SFMBT1: variants seen among roughly 807,000 people sequenced by gnomAD.
SFMBT1 encodes the protein scm-like with four MBT domains protein 1.
Under a neutral mutation model 108.7 loss-of-function variants are expected in SFMBT1, and 32 were observed. The observed-to-expected ratio is 0.29, with a 90% CI of 0.22 to 0.40. The LOEUF (loss-of-function observed/expected upper bound fraction) is 0.40. Ranked by LOEUF, SFMBT1 falls within the 10% of genes least tolerant of loss-of-function variation. SFMBT1 has a pLI of 1.00. For missense variants in SFMBT1, 816 were observed against 1,059.6 expected (o/e 0.77, Z 3.19); for synonymous variants, 348 against 369.5 (o/e 0.94, Z 0.67).
chr3:52,992,698 A>C (rs2115779), intron 1 of SFMBT1, among the ~76,000 whole-genome samples: 44,811 of 152,142 alleles, frequency 0.29, 6,914 homozygotes, highest in Middle Eastern at 0.4. Context: ...GGAAAAACTA[A>C]GGGAAATCAT....
chr3:52,918,219 TTTTC>T, intron 13 of SFMBT1, among the ~76,000 whole-genome samples: 1 of 152,024 alleles, frequency 6.6e-6, no homozygotes, highest in Admixed American at 6.5e-5. Context: ...GGCACTCTTA[TTTTC>T]TTTCTTTTAT....
rs796662569 is a variant in SFMBT1 at position 53,001,974 on chromosome 3, T to C, written c.-130-32716A>G. ...ACACACACACACACACACACACACA[T>C]AAATGAAAGATTACTGCCTGTTTTG... On this transcript the variant is annotated intron_variant, in intron 1 of 20. Coordinates refer to ENST00000394752, the MANE Select transcript of SFMBT1 (RefSeq NM_016329.4). Among the ~76,000 whole-genome samples, 1,581 of 106,518 alleles carry C rather than the reference T, an allele frequency of 0.015. 151 individuals carry two copies. In the South Asian group the frequency reaches 0.2, roughly 14 times the overall value. 69.9% of individuals were successfully genotyped at this position (106,518 alleles called of 152,430 possible). A position where few individuals can be genotyped will look rare whatever the true frequency, so the allele number is the denominator to read the frequency against.
rs550990697 is a variant in SFMBT1, at chr3:52,999,711, C to G, written c.-130-30453G>C. 6.7e-5 allele frequency among the ~76,000 whole-genome samples: 10 copies of G among 149,854 alleles called. 1 individual carries two copies. In the South Asian group the frequency reaches 2.1e-3, roughly 32 times the overall value. On this transcript the variant is annotated intron_variant, in intron 1 of 20. Transcript: ENST00000394752. ...CCATGACTCCCTGAGCAGGGTGAGC[C>G]CCCACTCATCCTGTGCCATGTTATG...
intron 17 of SFMBT1, among the ~76,000 whole-genome samples, chr3:52,910,570 C>T (rs1702190638): frequency 1.3e-5 from 2 of 152,078 alleles, no homozygotes; most frequent in African/African-American, 4.8e-5. Flanking sequence ...CTCACTGCAA[C>T]CTTCATCTCC....
intron 4 of SFMBT1, among the ~76,000 whole-genome samples, chr3:52,942,461 T>A (rs1703215255): frequency 6.6e-6 from 1 of 152,226 alleles, no homozygotes; most frequent in Non-Finnish European, 1.5e-5. Context: ...AACTTTTTGG[T>A]AAATCTGAAA....
At chr3:52,956,289 G>A (rs1472058223) in intron 2 of SFMBT1, among the ~76,000 whole-genome samples, 2 of 152,114 alleles carry the variant, frequency 1.3e-5, no homozygotes, top group Admixed American at 6.5e-5. Context: ...GTGAAACCCC[G>A]TCTCTACTAA....
intron 4 of SFMBT1, among the ~76,000 whole-genome samples, chr3:52,942,086 C>T (rs554271264): frequency 2.6e-5 from 4 of 151,334 alleles, no homozygotes; most frequent in Non-Finnish European, 4.4e-5. Context: ...GACCCTGCCT[C>T]AAGAAAATAG....
At chr3:52,968,947 C>A (rs1446514198) in intron 2 of SFMBT1, among the ~76,000 whole-genome samples, 154 bp downstream of exon 2, 1 of 152,060 alleles carries the variant, frequency 6.6e-6, no homozygotes, top group African/African-American at 2.4e-5. Flanking sequence ...GCCCCTAGTG[C>A]CAGGTTCTCT....
chr3:53,029,684 C>T (rs1301603211), intron 1 of SFMBT1, among the ~76,000 whole-genome samples: 2 of 152,196 alleles, frequency 1.3e-5, no homozygotes, highest in Non-Finnish European at 2.9e-5. Context: ...AGGCCTTAGG[C>T]TTCAAAAGCA....
At chr3:52,960,655 G>A (rs1703930963) in intron 2 of SFMBT1, among the ~76,000 whole-genome samples, 2 of 151,896 alleles carry the variant, frequency 1.3e-5, no homozygotes, top group East Asian at 3.9e-4. Context: ...ATCTATGCAT[G>A]TCTGTGTATA....
At chr3:53,014,044 T>C (rs1699045846) in intron 1 of SFMBT1, among the ~76,000 whole-genome samples, 1 of 152,140 alleles carries the variant, frequency 6.6e-6, no homozygotes, top group African/African-American at 2.4e-5. Context: ...CCACCACCAT[T>C]TGAAATATTC....
chr3:52,928,184 T>A lies in SFMBT1; in HGVS notation c.1048+7A>T, dbSNP rs370289795. 1.2e-6 allele frequency: 2 copies of A among 1,607,644 alleles called. No individual in the cohort carries two copies. Among genetic ancestry groups the A allele is most frequent in the East Asian group, 2.2e-5 (1 of 44,566 alleles). ...AAGTGACAATTCAGAAGACAGCGAA[T>A]GTGCACCTGGAGGGGGGCTGATGTG... On this transcript the variant is annotated splice_region_variant and intron_variant, in intron 9 of 20. Transcript: ENST00000394752.
intron 13 of SFMBT1, among the ~76,000 whole-genome samples, chr3:52,916,973 T>TA (rs1019853162): frequency 3.1e-4 from 47 of 151,302 alleles, no homozygotes; most frequent in Non-Finnish European, 4.0e-4. Flanking sequence ...TTATGTTATT[T>TA]AAAAAAAAAC....
intron 1 of SFMBT1, among the ~76,000 whole-genome samples, chr3:53,016,531 AT>A (rs1048943584): frequency 6.6e-6 from 1 of 152,176 alleles, no homozygotes; most frequent in African/African-American, 2.4e-5. Context: ...GTAATGACAT[AT>A]CCCCGTGTTT....
intron 1 of SFMBT1, among the ~76,000 whole-genome samples, chr3:53,008,968 T>C (rs1284079793): frequency 6.6e-6 from 1 of 150,980 alleles, no homozygotes; most frequent in Non-Finnish European, 1.5e-5. Flanking sequence ...GGTCTTGATA[T>C]CCTACTCTGT....
chr3:52,980,756 CTCA>C (rs1418965084), intron 1 of SFMBT1, among the ~76,000 whole-genome samples: 1 of 151,832 alleles, frequency 6.6e-6, no homozygotes, highest in East Asian at 1.9e-4. Context: ...ATGTTTTTAT[CTCA>C]TGTTGAAAAT....
chr3:53,038,809 T>G (rs886696252), intron 1 of SFMBT1, among the ~76,000 whole-genome samples: 1 of 152,106 alleles, frequency 6.6e-6, no homozygotes, highest in Non-Finnish European at 1.5e-5. Flanking sequence ...GAAACAAGAG[T>G]GAAATATGGC....
At chr3:52,975,795 T>A (rs1041578925) in intron 1 of SFMBT1, among the ~76,000 whole-genome samples, 2 of 152,042 alleles carry the variant, frequency 1.3e-5, no homozygotes, top group Non-Finnish European at 2.9e-5. Flanking sequence ...AGAGACAGGG[T>A]TTCACCATGT....
chr3:52,998,787 G>A (rs2106908751), intron 1 of SFMBT1, among the ~76,000 whole-genome samples: 1 of 150,774 alleles, frequency 6.6e-6, no homozygotes, highest in South Asian at 2.1e-4. Context: ...ACCCTGGGGA[G>A]CTGGTGCTGC....
Sources: allele counts gnomAD v4.1 joint callset (sites outside exome capture counted in the v4.1 genomes callset), GRCh38; gene constraint gnomAD v4.1.1; transcripts MANE v1.5; gene names NCBI Gene and HGNC (gene_info 2026-07-23, HGNC 2026-07-21).